Variants in ITPKC observed in about 807,000 individuals in gnomAD.
The protein encoded by ITPKC is IP3 3-kinase C.
Under a neutral mutation model 67.1 loss-of-function variants are expected in ITPKC, and 33 were observed. The ratio of observed to expected loss-of-function variants is 0.49; its 90% confidence interval spans 0.37 to 0.66. ITPKC has a LOEUF of 0.66. Ranked by LOEUF, ITPKC falls within the 30% of genes least tolerant of loss-of-function variation. The pLI, the probability that ITPKC is intolerant of heterozygous loss-of-function variation, is 0.00. For missense variants in ITPKC, 820 were observed against 892.1 expected (o/e 0.92, Z 1.03); for synonymous variants, 341 against 359.8 (o/e 0.95, Z 0.59).
At position 40,717,717 on chromosome 19, in the gene ITPKC, C is replaced by G; in HGVS notation, c.582C>G (p.Asn194Lys). The G allele has an allele frequency of 3.7e-6, 6 of 1,613,920 alleles. No homozygotes were observed. The highest frequency in any genetic ancestry group is 5.1e-6 in the Non-Finnish European group (6 of 1,179,952). Residue 194 changes from asparagine (N) to lysine (K), a missense_variant, in exon 1 of 7, where the codon AAC (asparagine) becomes AAG (lysine). Physicochemically the swap from Asn to Lys is moderately conservative, Grantham distance 94 (BLOSUM62 0). Transcript: ENST00000263370. ...QPERVKSWAD[N>K]LWTHQNSSSL... ...AGAGGGTCAAGTCCTGGGCTGATAACCTCTGGACCCACCAGAACAGTTCCA... is the reference window on the plus strand; with the variant it reads ...AGAGGGTCAAGTCCTGGGCTGATAAGCTCTGGACCCACCAGAACAGTTCCA...
Position 40,739,808 on chromosome 19 carries a change from A to G in ITPKC, c.*248A>G, listed in dbSNP as rs1193730026. On this transcript the variant is annotated 3_prime_UTR_variant, in exon 7 of 7. Coordinates refer to ENST00000263370, the MANE Select transcript of ITPKC (RefSeq NM_025194.3). ...GGAAGGTGATGAGGCAGTGAGTCAG[A>G]AAAACCAGAACGGGGTCCCCGGATC... The G allele has an allele frequency of 1.8e-6, 1 of 549,238 alleles. No individual in the cohort carries two copies. The highest frequency in any genetic ancestry group is 1.9e-5 in the African/African-American group (1 of 52,732). The allele number at this position is 549,238 out of a possible 1,614,324, so 34.0% of individuals were successfully genotyped here. A position where few individuals can be genotyped will look rare whatever the true frequency, so the allele number is the denominator to read the frequency against.
Position 40,725,297 on chromosome 19 carries a change from C to G in ITPKC, c.1156-43C>G, listed in dbSNP as rs1470503747. The G allele has an allele frequency of 3.0e-6, 4 of 1,339,118 alleles. No individual in the cohort carries two copies. The East Asian group carries it at 9.2e-5, about 31-fold the overall frequency. The allele number at this position is 1,339,118 out of a possible 1,614,324, so 83.0% of individuals were successfully genotyped here. A position where few individuals can be genotyped will look rare whatever the true frequency, so the allele number is the denominator to read the frequency against. ...TGGCAGCACCTCTAGCCCCTGCCTT[C>G]CCTGGCCTTGGCCCTGACCCCACCC... On this transcript the variant is annotated intron_variant, in intron 1 of 6. Transcript: ENST00000263370.
At chr19:40,737,657 A>G in intron 5 of ITPKC, 41 bp from the exon 6 acceptor site, 1 of 1,587,228 alleles carries the variant, frequency 6.3e-7, no homozygotes, top group Non-Finnish European at 8.7e-7. Flanking sequence ...AAGGCCCCAC[A>G]AAGTCCCCAT....
rs369367547 is a variant in ITPKC, at chr19:40,733,208, C to T, written c.1518C>T (p.Pro506=). The T allele has an allele frequency of 1.9e-6, 3 of 1,614,210 alleles. No homozygotes were observed. ...TGAAGGCACGGGAACGTCCCCGTCC[C>T]CGGAAGGACATGTATGAGAAGATGG... is the stretch of plus-strand genomic sequence containing the variant. The part of the protein sequence containing the change: ...ELVKARERPR[P]RKDMYEKMVA... The change falls in exon 4 of 7, where the codon CCC becomes CCT. Residue 506 remains proline (P), a synonymous_variant. Transcript: ENST00000263370.
At position 40,740,689 on chromosome 19, in the gene ITPKC, C is replaced by T; in HGVS notation, c.*1129C>T. On this transcript the variant is annotated 3_prime_UTR_variant, in exon 7 of 7. Coordinates refer to ENST00000263370, the MANE Select transcript of ITPKC (RefSeq NM_025194.3). ...CCTCTTCCTTAAGCTGAAGCTCCCACACTGTCTTCCAGGGCTGAGGAGATG... is the reference window on the plus strand; with the variant it reads ...CCTCTTCCTTAAGCTGAAGCTCCCATACTGTCTTCCAGGGCTGAGGAGATG... The T allele has an allele frequency of 3.0e-6, 1 of 334,598 alleles. No homozygotes were observed. 20.7% of individuals were successfully genotyped at this position (334,598 alleles called of 1,614,324 possible). A position where few individuals can be genotyped will look rare whatever the true frequency, so the allele number is the denominator to read the frequency against.
chr19:40,739,925 CA>C lies in ITPKC; in HGVS notation c.*366del, dbSNP rs1250414869. ...ACAGGGTGCCTGTGGACACATGAATCACTTCTAACCTGCCTCCCTGTCAGCC... is the reference window on the plus strand; with the variant it reads ...ACAGGGTGCCTGTGGACACATGAATCCTTCTAACCTGCCTCCCTGTCAGCC... On this transcript the variant is annotated 3_prime_UTR_variant, in exon 7 of 7. Coordinates refer to ENST00000263370, the MANE Select transcript of ITPKC (RefSeq NM_025194.3). The C allele has an allele frequency of 4.4e-6, 1 of 226,504 alleles. No homozygotes were observed. Among genetic ancestry groups the C allele is most frequent in the Non-Finnish European group, 8.8e-6 (1 of 113,910 alleles). 14.0% of individuals were successfully genotyped at this position (226,504 alleles called of 1,614,324 possible).
At chr19:40,731,596 T>G (rs74327158) in intron 3 of ITPKC, among the ~76,000 whole-genome samples, 12 of 35,778 alleles carry the variant, frequency 3.4e-4, no homozygotes, top group Admixed American at 1.9e-3. Flanking sequence ...CAATCCTTGG[T>G]TTTTTTTTTT....
At chr19:40,729,916 C>T (rs2082263124) in intron 3 of ITPKC, among the ~76,000 whole-genome samples, 1 of 152,200 alleles carries the variant, frequency 6.6e-6, no homozygotes. Context: ...TTAACTTAAA[C>T]CATTCCGATG....
chr19:40,739,293 C>T (rs1162646929), intron 6 of ITPKC, 64 bp from the exon 7 acceptor site: 1 of 1,236,966 alleles, frequency 8.1e-7, no homozygotes, highest in African/African-American at 1.5e-5. Context: ...GCTCTGCTGC[C>T]TGTCAGGAAG....
intron 2 of ITPKC, among the ~76,000 whole-genome samples, chr19:40,726,085 A>G (rs889822747): frequency 3.3e-5 from 5 of 152,066 alleles, no homozygotes; most frequent in African/African-American, 1.2e-4. Context: ...TACTAAAAAT[A>G]AAAAAATTAG....
At position 40,739,907 on chromosome 19, in the gene ITPKC, G is replaced by C. The variant is rs2082316166; in HGVS notation, c.*347G>C. On this transcript the variant is annotated 3_prime_UTR_variant, in exon 7 of 7. Coordinates refer to ENST00000263370, the MANE Select transcript of ITPKC (RefSeq NM_025194.3). ...GTCACAGGGTATGGTGTGACAGGGTGCCTGTGGACACATGAATCACTTCTA... is the reference window on the plus strand; with the variant it reads ...GTCACAGGGTATGGTGTGACAGGGTCCCTGTGGACACATGAATCACTTCTA... The C allele has an allele frequency of 3.4e-6, 1 of 292,752 alleles. No individual in the cohort carries two copies. The highest frequency in any genetic ancestry group is 6.5e-6 in the Non-Finnish European group (1 of 153,400). 18.1% of individuals were successfully genotyped at this position (292,752 alleles called of 1,614,324 possible). A position where few individuals can be genotyped will look rare whatever the true frequency, so the allele number is the denominator to read the frequency against.
intron 1 of ITPKC, among the ~76,000 whole-genome samples, chr19:40,722,850 C>T (rs1170976772): frequency 6.6e-6 from 1 of 152,182 alleles, no homozygotes; most frequent in African/African-American, 2.4e-5. Context: ...AATCACTGCT[C>T]ACTGCAGCCT....
rs148218929 is a variant in ITPKC, at chr19:40,717,985, G to A, written c.850G>A (p.Gly284Ser). 13 of 1,614,016 alleles carry A rather than the reference G, an allele frequency of 8.1e-6. No individual in the cohort carries two copies. The highest frequency in any genetic ancestry group is 1.1e-5 in the Non-Finnish European group (13 of 1,180,016). The change falls in exon 1 of 7, where the codon GGT becomes AGT. Residue 284 changes from glycine (G) to serine (S), a missense_variant. Physicochemically the swap from Gly to Ser is moderately conservative, Grantham distance 56. This residue lies in a region of ITPKC where 481 missense variants were observed against 470.1 expected (regional missense o/e 1.02). Transcript: ENST00000263370. ...DGSWTQPSTD[G>S]SQTAPGTDCL... Reference sequence around the variant, plus strand: ...CTCCTGGACACAACCTAGCACTGACGGTTCCCAGACAGCACCTGGGACAGA... The same window carrying A: ...CTCCTGGACACAACCTAGCACTGACAGTTCCCAGACAGCACCTGGGACAGA...
chr19:40,729,987 C>A (rs1041877830), intron 3 of ITPKC, among the ~76,000 whole-genome samples: 1 of 151,880 alleles, frequency 6.6e-6, no homozygotes, highest in African/African-American at 2.4e-5. Flanking sequence ...ATCGCCCAGG[C>A]TGGAGTGCAG....
At chr19:40,732,073 A>G (rs1435430486) in intron 3 of ITPKC, among the ~76,000 whole-genome samples, 1 of 151,830 alleles carries the variant, frequency 6.6e-6, no homozygotes, top group Non-Finnish European at 1.5e-5. Flanking sequence ...TGACTCTACT[A>G]AAAAAATACA....
intron 2 of ITPKC, among the ~76,000 whole-genome samples, chr19:40,727,370 T>TACAAA (rs1169184448): frequency 1.3e-5 from 2 of 150,322 alleles, no homozygotes; most frequent in Admixed American, 1.3e-4. Flanking sequence ...ATAAAATAAA[T>TACAAA]ACAAAACAAA....
At chr19:40,728,562 T>C (rs1213969600) in intron 2 of ITPKC, among the ~76,000 whole-genome samples, 1 of 152,114 alleles carries the variant, frequency 6.6e-6, no homozygotes, top group African/African-American at 2.4e-5. Flanking sequence ...GCAAATCCAC[T>C]CTGGAGAGTG....
At chr19:40,728,709 C>T (rs964944214) in intron 2 of ITPKC, among the ~76,000 whole-genome samples, 4 of 152,174 alleles carry the variant, frequency 2.6e-5, no homozygotes, top group African/African-American at 9.7e-5. Flanking sequence ...TTCGCCCTTT[C>T]CTTACCAACC....
At chr19:40,729,118 A>G in intron 2 of ITPKC, 84 bp from the exon 3 acceptor site, 1 of 1,053,320 alleles carries the variant, frequency 9.5e-7, no homozygotes, top group South Asian at 1.3e-5. Flanking sequence ...AATGGTGGCC[A>G]GGATCTGATG....
Sources: allele counts gnomAD v4.1 joint callset (sites outside exome capture counted in the v4.1 genomes callset), GRCh38; gene constraint gnomAD v4.1.1; regional missense constraint gnomAD v4.1.1; transcripts MANE v1.5; gene names NCBI Gene and HGNC (gene_info 2026-07-23, HGNC 2026-07-21).